Variants in EYS observed in about 807,000 individuals in gnomAD.
EYS encodes the protein EGF-like photoreceptor maintenance factor, also known as protein eyes shut homolog.
A neutral mutation model predicts 282.1 loss-of-function variants in EYS; 250 were observed. The observed-to-expected ratio is 0.89, with a 90% CI of 0.80 to 0.98. The LOEUF (loss-of-function observed/expected upper bound fraction) is 0.98, where lower values mean the gene tolerates loss of function less well. EYS is among the 50% of genes least tolerant of loss of function. The probability of loss-of-function intolerance (pLI) is 0.00; values close to 1 mark genes in which losing one functional copy is unlikely to be tolerated. For synonymous variants in EYS, 1,355 were observed against 1,282.9 expected (o/e 1.06, Z -1.20); for missense variants, 4,016 against 3,709.0 (o/e 1.08, Z -2.15).
chr6:63,812,026 A>G (rs1261609696), intron 36 of EYS, among the ~76,000 whole-genome samples: 2 of 152,192 alleles, frequency 1.3e-5, no homozygotes, highest in African/African-American at 2.4e-5. Flanking sequence ...TGCTACCTTT[A>G]TCACTTTACA....
In EYS at chr6:64,974,224, C is replaced by T. The variant is rs569643781; in HGVS notation, c.2259+23358G>A. Reference sequence around the variant, plus strand: ...ACTAAGCAAAAGAAATAGATTCTGGCCAAGTTAACCAAAATAAAGAAAAGT... The same window carrying T: ...ACTAAGCAAAAGAAATAGATTCTGGTCAAGTTAACCAAAATAAAGAAAAGT... On this transcript the variant is annotated intron_variant, in intron 14 of 42. Coordinates refer to ENST00000503581, the MANE Select transcript of EYS (RefSeq NM_001142800.2). Among the ~76,000 whole-genome samples, 7 of 151,892 alleles carry T rather than the reference C, an allele frequency of 4.6e-5. No individual in the cohort carries two copies. In the South Asian group the frequency reaches 1.5e-3, roughly 32 times the overall value.
chr6:64,979,280 C>T (rs989796306), intron 14 of EYS, among the ~76,000 whole-genome samples: 1 of 151,578 alleles, frequency 6.6e-6, no homozygotes, highest in Non-Finnish European at 1.5e-5. Flanking sequence ...GTAACCAATG[C>T]GAACTTAAAA....
At chr6:64,393,952 AT>A (rs1236555611) in intron 28 of EYS, among the ~76,000 whole-genome samples, 7 of 152,030 alleles carry the variant, frequency 4.6e-5, no homozygotes, top group Non-Finnish European at 8.8e-5. Context: ...TACAAAATCA[AT>A]GTACAAAAAT....
chr6:64,671,506 T>C (rs769664595), intron 22 of EYS, among the ~76,000 whole-genome samples: 1 of 152,152 alleles, frequency 6.6e-6, no homozygotes, highest in Non-Finnish European at 1.5e-5. Context: ...GTATTATATT[T>C]TTGTTGTAGC....
In EYS at chr6:64,612,525, CT is replaced by C. The variant is rs554734048; in HGVS notation, c.3684+4892del. ...TTTGAATTTCAAAATGATGTAAGTA[CT>C]TTAATCTTGTTTGGAATCACTTTTG... is the stretch of plus-strand genomic sequence containing the variant. On this transcript the variant is annotated intron_variant, in intron 24 of 42. Transcript: ENST00000503581. Among the ~76,000 whole-genome samples, 929 of 152,134 alleles carry C rather than the reference CT, an allele frequency of 6.1e-3. 5 individuals are homozygous for C. Among genetic ancestry groups the C allele is most frequent in the African/African-American group, 0.02 (847 of 41,544 alleles).
intron 26 of EYS, among the ~76,000 whole-genome samples, chr6:64,444,884 C>T (rs1328196422): frequency 6.6e-6 from 1 of 152,172 alleles, no homozygotes; most frequent in Non-Finnish European, 1.5e-5. Flanking sequence ...TCCTCTCTTG[C>T]CATGTGAAAC....
At chr6:64,105,589 T>A (rs1772982529) in intron 31 of EYS, among the ~76,000 whole-genome samples, 1 of 152,162 alleles carries the variant, frequency 6.6e-6, no homozygotes, top group Non-Finnish European at 1.5e-5. Context: ...TTCAGCCTAT[T>A]CATCCTTCCC....
At chr6:65,167,072 C>A (rs1764990657) in intron 12 of EYS, among the ~76,000 whole-genome samples, 1 of 151,096 alleles carries the variant, frequency 6.6e-6, no homozygotes, top group Admixed American at 6.6e-5. Context: ...GAAATGGAAC[C>A]TTGCATATAC....
intron 42 of EYS, among the ~76,000 whole-genome samples, chr6:63,723,125 C>G (rs1354267303): frequency 6.6e-6 from 1 of 152,102 alleles, no homozygotes; most frequent in Non-Finnish European, 1.5e-5. Context: ...CAGAATATTT[C>G]TCAAATAATA....
intron 5 of EYS, among the ~76,000 whole-genome samples, chr6:65,465,929 G>A (rs1362001206): frequency 6.6e-6 from 1 of 151,990 alleles, no homozygotes; most frequent in Non-Finnish European, 1.5e-5. Context: ...CTGTGATTGT[G>A]CCACTGCCCC....
In EYS at chr6:63,853,085, C is replaced by T. The variant is rs140731956; in HGVS notation, c.7228+11101G>A. Among the ~76,000 whole-genome samples the T allele has an allele frequency of 5.6e-3, 854 of 152,272 alleles. 6 individuals are homozygous for T. The highest frequency in any genetic ancestry group is 0.019 in the African/African-American group (793 of 41,550). ...TGAAAACTGGCATAAGACAAGGATG[C>T]CCTCTCTCACCACTCCTATTCAACA... On this transcript the variant is annotated intron_variant, in intron 36 of 42. Coordinates refer to ENST00000503581, the MANE Select transcript of EYS (RefSeq NM_001142800.2).
intron 12 of EYS, among the ~76,000 whole-genome samples, chr6:65,250,116 T>C (rs1050988975): frequency 6.6e-6 from 1 of 151,972 alleles, no homozygotes; most frequent in African/African-American, 2.4e-5. Flanking sequence ...ATATTGAAAT[T>C]GAAGATGATA....
At chr6:65,121,829 C>A (rs1405902456) in intron 12 of EYS, among the ~76,000 whole-genome samples, 2 of 152,000 alleles carry the variant, frequency 1.3e-5, no homozygotes, top group Non-Finnish European at 2.9e-5. Context: ...AAATTTAAAG[C>A]AGAACACAAT....
At chr6:65,432,451 CG>C (rs1476937657) in intron 5 of EYS, among the ~76,000 whole-genome samples, 1 of 151,622 alleles carries the variant, frequency 6.6e-6, no homozygotes, top group East Asian at 1.9e-4. Flanking sequence ...ACGAGTATTA[CG>C]AAAAAAATGA....
At chr6:65,187,398 A>T (rs557609423) in intron 12 of EYS, among the ~76,000 whole-genome samples, 11 of 151,802 alleles carry the variant, frequency 7.2e-5, no homozygotes, top group African/African-American at 2.6e-4. Context: ...TTTTTTCAAC[A>T]TATTCTAGCC....
At chr6:64,322,262 G>T (rs1770242704) in intron 29 of EYS, among the ~76,000 whole-genome samples, 1 of 151,922 alleles carries the variant, frequency 6.6e-6, no homozygotes, top group Non-Finnish European at 1.5e-5. Context: ...AACCTAGAGG[G>T]TTTACTTTTT....
At chr6:63,804,430 A>G (rs1401821911) in intron 37 of EYS, among the ~76,000 whole-genome samples, 1 of 152,258 alleles carries the variant, frequency 6.6e-6, no homozygotes, top group Non-Finnish European at 1.5e-5. Flanking sequence ...TAGAGGCACA[A>G]AGACATTAAG....
intron 5 of EYS, among the ~76,000 whole-genome samples, chr6:65,434,475 C>G (rs1051057948): frequency 7.2e-5 from 11 of 152,030 alleles, no homozygotes. Context: ...CGCCCGCCAC[C>G]ACGCCCAGCT....
chr6:64,145,471 C>T (rs544138789), intron 31 of EYS, among the ~76,000 whole-genome samples: 203 of 152,164 alleles, frequency 1.3e-3, no homozygotes, highest in Middle Eastern at 0.01. Context: ...AAGACTGCCA[C>T]TTTATTTTAT....
Sources: allele counts gnomAD v4.1 joint callset (sites outside exome capture counted in the v4.1 genomes callset), GRCh38; gene constraint gnomAD v4.1.1; transcripts MANE v1.5; gene names NCBI Gene and HGNC (gene_info 2026-07-23, HGNC 2026-07-21).